The following RIMBP2 variants were observed in gnomAD, a reference collection of about 807,000 sequenced individuals.
The protein encoded by RIMBP2 is RIMS binding protein 2.
RIMBP2 carries 48 observed loss-of-function variants against 118.6 expected under a neutral mutation model. The observed-to-expected ratio is 0.40, with a 90% CI of 0.32 to 0.51. The LOEUF (loss-of-function observed/expected upper bound fraction) is 0.51. Among genes scored for constraint, RIMBP2 ranks in the 20% least tolerant of loss-of-function variants. The probability of loss-of-function intolerance (pLI) is 0.41; values close to 1 mark genes in which losing one functional copy is unlikely to be tolerated. For synonymous variants in RIMBP2, 762 were observed against 742.9 expected, an observed-to-expected ratio of 1.03 and a Z score of -0.42; for missense variants, 1,551 against 1,768.3, an observed-to-expected ratio of 0.88 and a Z score of 2.20.
At chr12:130,426,862 C>A (rs1373418222) in intron 15 of RIMBP2, 1 of 152,362 alleles carries the variant, frequency 6.6e-6, no homozygotes, top group African/African-American at 2.4e-5. Context: ...AGACCAGCTG[C>A]CCGCCTCACC....
chr12:130,669,743 G>A (rs2064116399), intron 1 of RIMBP2, among the ~76,000 whole-genome samples: 2 of 152,150 alleles, frequency 1.3e-5, no homozygotes, highest in Admixed American at 1.3e-4. Flanking sequence ...TAGGAATGCA[G>A]GAGCTCTTTC....
At chr12:130,592,378 A>T (rs571916913) in intron 2 of RIMBP2, among the ~76,000 whole-genome samples, 1 of 152,248 alleles carries the variant, frequency 6.6e-6, no homozygotes, top group East Asian at 1.9e-4. Context: ...GCCTGTGGGC[A>T]CTTGCTTCTC....
In RIMBP2 at chr12:130,642,039, C is replaced by T. The variant is rs912710245; in HGVS notation, c.-351-13583G>A. ...GTCACACAGTTTGTAAATAGCAGAG[C>T]CCAGAGTCAAAGCCACGTCTCTGGT... On this transcript the variant is annotated intron_variant, in intron 1 of 22. Transcript: ENST00000690449. Among the ~76,000 whole-genome samples, 3 of 152,114 alleles carry T rather than the reference C, an allele frequency of 2.0e-5. No homozygotes were observed. In the South Asian group the frequency reaches 6.2e-4, roughly 32 times the overall value.
At position 130,648,444 on chromosome 12, in the gene RIMBP2, G is replaced by C. The variant is rs947449116; in HGVS notation, c.-351-19988C>G. The stretch of plus-strand genomic sequence containing the variant: ...GCATAAAGGAGAAAATAAAAACTTC[G>C]TAATATCCCCTTAAAATACATTCCA... On this transcript the variant is annotated intron_variant, in intron 1 of 22. Transcript: ENST00000690449. 2.8e-5 allele frequency among the ~76,000 whole-genome samples: 4 copies of C among 145,210 alleles called. No homozygotes were observed. In the Admixed American group the frequency reaches 2.8e-4, roughly 10 times the overall value.
chr12:130,621,455 C>G lies in RIMBP2; in HGVS notation c.-217+6867G>C, dbSNP rs189085450. Among the ~76,000 whole-genome samples the G allele has an allele frequency of 6.6e-6, 1 of 152,150 alleles. No individual in the cohort carries two copies. The highest frequency in any genetic ancestry group is 6.5e-5 in the Admixed American group (1 of 15,268). Reference sequence around the variant, plus strand: ...CATCGGCAGAGTTCCTGGACGTAGCCGTTCCTGAAGCTAGAATCTCCTCTC... The same window carrying G: ...CATCGGCAGAGTTCCTGGACGTAGCGGTTCCTGAAGCTAGAATCTCCTCTC... On this transcript the variant is annotated intron_variant, in intron 2 of 22. Transcript: ENST00000690449. This position sits in a 1 kb window ranked among gnomAD's most constrained non-coding sequence, Gnocchi z 6.6.
At chr12:130,506,575 C>T (rs2050382645) in intron 4 of RIMBP2, 73 bp downstream of exon 4, 2 of 973,920 alleles carry the variant, frequency 2.1e-6, no homozygotes, top group Non-Finnish European at 2.4e-6. Context: ...TGCTCGGGGT[C>T]CTGCAGCCCC....
chr12:130,606,492 G>A (rs1021884510), intron 2 of RIMBP2, among the ~76,000 whole-genome samples: 1 of 152,228 alleles, frequency 6.6e-6, no homozygotes, highest in East Asian at 1.9e-4. Flanking sequence ...CCGCATCAGC[G>A]CTGTGGAGGC....
intron 2 of RIMBP2, among the ~76,000 whole-genome samples, chr12:130,625,301 TA>T (rs1307672853): frequency 1.3e-5 from 2 of 152,230 alleles, no homozygotes; most frequent in African/African-American, 4.8e-5. Flanking sequence ...TAATATGTTT[TA>T]TTGACATAGA....
chr12:130,652,171 T>C (rs943867620), intron 1 of RIMBP2, among the ~76,000 whole-genome samples: 1 of 152,218 alleles, frequency 6.6e-6, no homozygotes, highest in African/African-American at 2.4e-5. Context: ...ACCTTATGTA[T>C]TGGTATATAG....
chr12:130,646,071 C>T (rs1321040997), intron 1 of RIMBP2, among the ~76,000 whole-genome samples: 187 of 133,960 alleles, frequency 1.4e-3, no homozygotes, highest in Middle Eastern at 7.9e-3. Flanking sequence ...ACCTGCCTCT[C>T]CACCTCCCTC....
intron 11 of RIMBP2, among the ~76,000 whole-genome samples, chr12:130,441,412 A>G (rs2078118636): frequency 7.4e-6 from 1 of 135,068 alleles, no homozygotes; most frequent in African/African-American, 3.0e-5. Flanking sequence ...AATAATAATA[A>G]TAATAATAAT....
intron 2 of RIMBP2, among the ~76,000 whole-genome samples, chr12:130,583,803 G>GCCATCACCTCATCACCACCACCC (rs2058646494): frequency 5.1e-5 from 1 of 19,456 alleles, no homozygotes; most frequent in African/African-American, 1.5e-4. Flanking sequence ...CACCACCACC[G>GCCATCACCTCATCACCACCACCC]CCATCACCTC....
At chr12:130,613,526 T>C (rs1277020116) in intron 2 of RIMBP2, among the ~76,000 whole-genome samples, 1 of 152,042 alleles carries the variant, frequency 6.6e-6, no homozygotes, top group Admixed American at 6.6e-5. Flanking sequence ...TCGGTAAAGA[T>C]TCAGTCTCGG....
chr12:130,474,599 C>T (rs945894288), intron 5 of RIMBP2, among the ~76,000 whole-genome samples: 6 of 152,172 alleles, frequency 3.9e-5, no homozygotes, highest in African/African-American at 1.4e-4. Context: ...CATGGAGTGG[C>T]GTCTGGTCTG....
intron 2 of RIMBP2, among the ~76,000 whole-genome samples, chr12:130,568,168 TAGA>T (rs1050288577): frequency 2.2e-4 from 33 of 152,200 alleles, no homozygotes; most frequent in African/African-American, 7.0e-4. Flanking sequence ...TGTAAATTTA[TAGA>T]AGAAGGCAGG....
At chr12:130,612,139 C>T (rs537542766) in intron 2 of RIMBP2, among the ~76,000 whole-genome samples, 1 of 152,104 alleles carries the variant, frequency 6.6e-6, no homozygotes, top group African/African-American at 2.4e-5. Context: ...GCAAGGTCAC[C>T]TCTCTGGGCC....
chr12:130,494,121 G>C (rs1207572102), intron 4 of RIMBP2, among the ~76,000 whole-genome samples: 1 of 152,190 alleles, frequency 6.6e-6, no homozygotes, highest in Non-Finnish European at 1.5e-5. Context: ...CCCCTTGTGA[G>C]TACATCCCAC....
intron 2 of RIMBP2, among the ~76,000 whole-genome samples, chr12:130,615,276 C>CATATATATATATATATATATATATATAT (rs202186208): frequency 1.6e-4 from 16 of 100,238 alleles, no homozygotes; most frequent in East Asian, 6.4e-4. Context: ...AATACACATA[C>CATATATATATATATATATATATATATAT]ATATATATAT....
intron 2 of RIMBP2, among the ~76,000 whole-genome samples, chr12:130,550,570 T>C (rs2055663158): frequency 6.6e-6 from 1 of 152,214 alleles, no homozygotes; most frequent in Admixed American, 6.5e-5. Flanking sequence ...AAGAGTATAC[T>C]CCTGAACAAC....
Sources: allele counts gnomAD v4.1 joint callset (sites outside exome capture counted in the v4.1 genomes callset), GRCh38; gene constraint gnomAD v4.1.1; non-coding constraint Gnocchi (gnomAD v3.1); transcripts MANE v1.5; gene names NCBI Gene and HGNC (gene_info 2026-07-23, HGNC 2026-07-21).